The following COL4A2 variants were observed in gnomAD, a reference collection of about 807,000 sequenced individuals.
COL4A2 encodes the protein collagen type IV alpha 2 chain.
A neutral mutation model predicts 200.2 loss-of-function variants in COL4A2; 99 were observed. That is an observed-to-expected ratio of 0.49 (90% CI 0.42 to 0.58). The LOEUF (loss-of-function observed/expected upper bound fraction) is 0.58, where lower values mean the gene tolerates loss of function less well. COL4A2 is among the 20% of genes least tolerant of loss of function. COL4A2 has a pLI of 0.00. For missense variants in COL4A2, 1,950 were observed against 2,314.1 expected (o/e 0.84, Z 3.23); for synonymous variants, 897 against 900.6 (o/e 1.00, Z 0.07).
chr13:110,315,723 G>A (rs12428456), intron 3 of COL4A2, among the ~76,000 whole-genome samples: 15,186 of 152,198 alleles, frequency 0.1, 941 homozygotes, highest in Middle Eastern at 0.23. Flanking sequence ...CCAGTAACAT[G>A]TCTTCTTTAG....
chr13:110,414,013 T>C (rs1879948968), intron 4 of COL4A2, among the ~76,000 whole-genome samples: 1 of 152,094 alleles, frequency 6.6e-6, no homozygotes, highest in African/African-American at 2.4e-5. Flanking sequence ...GGGGCCTTGC[T>C]GAAAACATCA....
chr13:110,380,825 G>GTGC (rs1566502411), intron 4 of COL4A2, among the ~76,000 whole-genome samples: 1 of 133,592 alleles, frequency 7.5e-6, no homozygotes, highest in East Asian at 2.3e-4. Flanking sequence ...TCACACCCAC[G>GTGC]TGCTCTATCT....
chr13:110,434,374 A>C (rs780420887), intron 11 of COL4A2, 27 bp from the exon 12 acceptor site: 1 of 1,602,072 alleles, frequency 6.2e-7, no homozygotes. Flanking sequence ...GCTTTTTAAA[A>C]CTTACAGAAA....
intron 3 of COL4A2, among the ~76,000 whole-genome samples, chr13:110,336,153 C>T (rs1373768793): frequency 2.0e-5 from 3 of 152,210 alleles, no homozygotes. Flanking sequence ...ATTTTCTCCA[C>T]TGCTCTAATA....
chr13:110,355,539 AC>A (rs1877181904), intron 3 of COL4A2, among the ~76,000 whole-genome samples: 1 of 65,262 alleles, frequency 1.5e-5, no homozygotes, highest in Non-Finnish European at 2.7e-5. Flanking sequence ...GCACTAGCTC[AC>A]CTGTGTGTGT....
At chr13:110,309,834 C>T (rs1457656307) in intron 3 of COL4A2, among the ~76,000 whole-genome samples, 1 of 151,906 alleles carries the variant, frequency 6.6e-6, no homozygotes, top group African/African-American at 2.4e-5. Context: ...TACTAAAATA[C>T]AAAAAAATCA....
intron 4 of COL4A2, among the ~76,000 whole-genome samples, chr13:110,363,373 A>G (rs563445577): frequency 4.6e-5 from 7 of 152,310 alleles, no homozygotes; most frequent in East Asian, 3.9e-4. Flanking sequence ...CCCACAGTCT[A>G]TGGGTCCCTG....
chr13:110,504,408 C>T (rs940306006), intron 45 of COL4A2, 144 bp downstream of exon 45: 5 of 657,518 alleles, frequency 7.6e-6, no homozygotes, highest in South Asian at 1.8e-5. Flanking sequence ...CTAATCTGGG[C>T]GTAGCAGCTA....
chr13:110,361,159 T>C (rs907228045), intron 4 of COL4A2, among the ~76,000 whole-genome samples: 1 of 152,252 alleles, frequency 6.6e-6, no homozygotes, highest in East Asian at 1.9e-4. Context: ...TCTACTGTAT[T>C]AAAACATTTT....
At chr13:110,372,946 G>A (rs1878081253) in intron 4 of COL4A2, among the ~76,000 whole-genome samples, 1 of 152,190 alleles carries the variant, frequency 6.6e-6, no homozygotes, top group Non-Finnish European at 1.5e-5. Flanking sequence ...CTGTGGTATA[G>A]GTTCTAATGT....
At chr13:110,420,285 G>A (rs1880198492) in intron 4 of COL4A2, among the ~76,000 whole-genome samples, 1 of 152,160 alleles carries the variant, frequency 6.6e-6, no homozygotes, top group Admixed American at 6.5e-5. Context: ...TTGCCGTGGG[G>A]ACAAAATGAG....
At chr13:110,335,471 A>G (rs184463915) in intron 3 of COL4A2, among the ~76,000 whole-genome samples, 5 of 152,298 alleles carry the variant, frequency 3.3e-5, no homozygotes, top group South Asian at 2.1e-4. Flanking sequence ...CTTGTCTGCC[A>G]CCATGTAAGA....
intron 30 of COL4A2, 102 bp downstream of exon 30, chr13:110,478,266 A>T: frequency 8.2e-7 from 1 of 1,223,286 alleles, no homozygotes; most frequent in Non-Finnish European, 1.1e-6. Flanking sequence ...GTTCCATGGA[A>T]CCCCTTAAGA....
intron 16 of COL4A2, among the ~76,000 whole-genome samples, chr13:110,444,132 C>T (rs1197785791): frequency 2.0e-5 from 3 of 152,180 alleles, no homozygotes; most frequent in Non-Finnish European, 4.4e-5. Flanking sequence ...CTTAAGTTGT[C>T]CCCCTTCCCC....
At position 110,340,246 on chromosome 13, in the gene COL4A2, A is replaced by G. The variant is rs532577281; in HGVS notation, c.100-17226A>G. On this transcript the variant is annotated intron_variant, in intron 3 of 47. Coordinates refer to ENST00000360467, the MANE Select transcript of COL4A2 (RefSeq NM_001846.4). ...AGTTCCCTGCCTCAGCCTCCCTGGT[A>G]GCTGAGATTATAGGTGCACGCCACC... Among the ~76,000 whole-genome samples, 373 of 152,210 alleles carry G rather than the reference A, an allele frequency of 2.5e-3. 1 individual carries two copies. Among genetic ancestry groups the G allele is most frequent in the African/African-American group, 8.7e-3 (360 of 41,528 alleles).
At chr13:110,316,330 C>T (rs1885128428) in intron 3 of COL4A2, among the ~76,000 whole-genome samples, 1 of 152,168 alleles carries the variant, frequency 6.6e-6, no homozygotes, top group South Asian at 2.1e-4. Context: ...ACACACGTGC[C>T]CTGGACTGCA....
At chr13:110,335,160 C>G (rs1264917261) in intron 3 of COL4A2, among the ~76,000 whole-genome samples, 1 of 152,132 alleles carries the variant, frequency 6.6e-6, no homozygotes, top group Non-Finnish European at 1.5e-5. Context: ...TTCATTGATC[C>G]TGTGGTTGGG....
intron 10 of COL4A2, among the ~76,000 whole-genome samples, chr13:110,431,437 A>G (rs1344170361): frequency 6.6e-6 from 1 of 152,192 alleles, no homozygotes; most frequent in Non-Finnish European, 1.5e-5. Context: ...ATAATAAATG[A>G]CAATAATAAT....
chr13:110,322,784 C>T (rs1885309732), intron 3 of COL4A2, among the ~76,000 whole-genome samples: 1 of 152,200 alleles, frequency 6.6e-6, no homozygotes, highest in South Asian at 2.1e-4. Flanking sequence ...ACCAGGTCCT[C>T]CCACAGCACA....
Sources: gnomAD v4.1 joint callset for allele counts (sites outside exome capture counted in the v4.1 genomes callset) on GRCh38, gnomAD v4.1.1 for gene constraint, MANE v1.5 for transcripts, NCBI Gene and HGNC (gene_info 2026-07-23, HGNC 2026-07-21) for gene names.